TXNRD3: variants seen among roughly 807,000 people sequenced by gnomAD.
TXNRD3 encodes thioredoxin reductase 3.
A neutral mutation model predicts 78.2 loss-of-function variants in TXNRD3; 68 were observed. That is an observed-to-expected ratio of 0.87 (90% CI 0.72 to 1.06). The LOEUF (loss-of-function observed/expected upper bound fraction) is 1.06, where lower values mean the gene tolerates loss of function less well. Ranked by LOEUF, TXNRD3 falls within the 50% of genes least tolerant of loss-of-function variation. TXNRD3 has a pLI of 0.00. For missense variants in TXNRD3, 751 were observed against 809.5 expected (o/e 0.93, Z 0.88); for synonymous variants, 296 against 300.1 (o/e 0.99, Z 0.14).
chr3:126,623,383 A>T (rs1938500296), intron 10 of TXNRD3, among the ~76,000 whole-genome samples: 1 of 152,216 alleles, frequency 6.6e-6, no homozygotes, highest in African/African-American at 2.4e-5. Context: ...AAATCAGACA[A>T]GTGCATTAAA....
intron 14 of TXNRD3, among the ~76,000 whole-genome samples, chr3:126,610,414 C>G (rs1938171615): frequency 6.6e-6 from 1 of 152,174 alleles, no homozygotes; most frequent in Admixed American, 6.5e-5. Flanking sequence ...GTGCTTTAAA[C>G]TACGCTACTG....
At chr3:126,629,526 C>T (rs963977985) in intron 9 of TXNRD3, 55 bp from the exon 10 acceptor site, 1 of 1,350,380 alleles carries the variant, frequency 7.4e-7, no homozygotes, top group East Asian at 2.5e-5. Flanking sequence ...AAAAGAAATA[C>T]ACGAAAGGGT....
In TXNRD3 at chr3:126,631,842, G is replaced by A; in HGVS notation, c.893C>T (p.Ala298Val). The stretch of plus-strand genomic sequence containing the variant: ...ACCCGTTGCTATGACAAACTGTGCA[G>A]CAGTATAATAAGTCTCCTGTCCTTT... Residue 298 changes from alanine (A) to valine (V), a missense_variant, in exon 8 of 16, where the codon GCT becomes GTT. By Grantham distance (64) the Ala-to-Val change is moderately conservative. Transcript: ENST00000524230. 6.5e-7 allele frequency: 1 copy of A among 1,535,986 alleles called. No homozygotes were observed. Among genetic ancestry groups the A allele is most frequent in the South Asian group, 1.2e-5 (1 of 84,060 alleles).
rs1938480757 is a variant in TXNRD3 at position 126,622,492 on chromosome 3, C to T, written c.1339G>A (p.Glu447Lys). The change falls in exon 11 of 16, where the codon GAG (glutamate) becomes AAG (lysine). Residue 447 changes from glutamate (E) to lysine (K), a missense_variant. Glu to Lys is a moderately conservative substitution (Grantham distance 56, BLOSUM62 1). Coordinates refer to ENST00000524230, the MANE Select transcript of TXNRD3 (RefSeq NM_052883.3). ...TCATTAATTTTGACACCAATCTTCT[C>T]CAAGCCTATTTTCCTTGTACAGGAG... The T allele has an allele frequency of 6.5e-7, 1 of 1,535,582 alleles. No individual in the cohort carries two copies. Among genetic ancestry groups the T allele is most frequent in the Non-Finnish European group, 8.7e-7 (1 of 1,146,790 alleles).
At chr3:126,653,967 C>G (rs1933448408) in intron 1 of TXNRD3, among the ~76,000 whole-genome samples, 1 of 150,396 alleles carries the variant, frequency 6.6e-6, no homozygotes, top group Non-Finnish European at 1.5e-5. Context: ...TATCAAGTCC[C>G]AAAACAGGCC....
intron 12 of TXNRD3, among the ~76,000 whole-genome samples, chr3:126,621,516 G>C (rs930713301): frequency 2.6e-4 from 39 of 152,134 alleles, no homozygotes; most frequent in African/African-American, 8.7e-4. Context: ...TAAGCCCCTG[G>C]GGCTGACCAT....
chr3:126,654,484 C>A (rs1455845544), intron 1 of TXNRD3, among the ~76,000 whole-genome samples: 2 of 152,244 alleles, frequency 1.3e-5, no homozygotes, highest in Admixed American at 6.5e-5. Context: ...CCTTCCCGTA[C>A]CTTCGTTTCA....
chr3:126,631,085 T>G, intron 8 of TXNRD3, 148 bp from the exon 9 acceptor site: 1 of 817,004 alleles, frequency 1.2e-6, no homozygotes. Flanking sequence ...TAATTGAGTC[T>G]GCTGTGGAGA....
At chr3:126,608,374 G>GAAATA in intron 15 of TXNRD3, 125 bp downstream of exon 15, 1 of 1,122,610 alleles carries the variant, frequency 8.9e-7, no homozygotes, top group Non-Finnish European at 1.2e-6. Flanking sequence ...AAAATAAAAT[G>GAAATA]AAATAAAATA....
At chr3:126,640,630 T>C (rs149779849) in intron 6 of TXNRD3, among the ~76,000 whole-genome samples, 1 of 152,274 alleles carries the variant, frequency 6.6e-6, no homozygotes, top group Non-Finnish European at 1.5e-5. Flanking sequence ...ACAAGTGGTT[T>C]GTAATTTTTC....
In TXNRD3 at chr3:126,622,595, G is replaced by A. The variant is rs925566395; in HGVS notation, c.1291-55C>T. 7 of 1,298,248 alleles carry A rather than the reference G, an allele frequency of 5.4e-6. No homozygotes were observed. The East Asian group carries it at 1.5e-4, about 28-fold the overall frequency. The allele number at this position is 1,298,248 out of a possible 1,614,324, so 80.4% of individuals were successfully genotyped here. ...ATTATCCATATCGGGAATGAAAGAA[G>A]GAACATCACTATAGATCCTTCAGAC... On this transcript the variant is annotated intron_variant, in intron 10 of 15. Coordinates refer to ENST00000524230, the MANE Select transcript of TXNRD3 (RefSeq NM_052883.3).
Position 126,631,767 on chromosome 3 carries a change from G to C in TXNRD3, c.968C>G (p.Thr323Ser). ...AAAATAGTCTATTTAACCTTACCTA[G>C]TAATACAGTATTCTTTATCTCCTTG... Residue 323 changes from threonine to serine, a missense_variant, in exon 8 of 16, where the codon ACT becomes AGT. Transcript: ENST00000524230. 6.6e-7 allele frequency: 1 copy of C among 1,517,698 alleles called. No individual in the cohort carries two copies. The highest frequency in any genetic ancestry group is 2.5e-5 in the East Asian group (1 of 40,778). 94.0% of individuals were successfully genotyped at this position (1,517,698 alleles called of 1,614,324 possible).
intron 12 of TXNRD3, among the ~76,000 whole-genome samples, chr3:126,621,408 T>C (rs1437290856): frequency 1.3e-5 from 2 of 152,192 alleles, no homozygotes; most frequent in Non-Finnish European, 2.9e-5. Flanking sequence ...ATCCCTTCAG[T>C]GTCCCTAGAG....
At chr3:126,645,009 T>G (rs116213683) in intron 3 of TXNRD3, among the ~76,000 whole-genome samples, 1,614 of 152,314 alleles carry the variant, frequency 0.011, 27 homozygotes, top group African/African-American at 0.036. Flanking sequence ...GATGTGTGAT[T>G]TAGTAACAGT....
intron 6 of TXNRD3, among the ~76,000 whole-genome samples, chr3:126,639,279 A>G (rs1223360114): frequency 2.0e-5 from 3 of 152,142 alleles, no homozygotes; most frequent in Non-Finnish European, 2.9e-5. Flanking sequence ...TAAGGCCCCA[A>G]TCATGCCCTT....
chr3:126,616,297 T>C (rs1938318694), intron 12 of TXNRD3, among the ~76,000 whole-genome samples: 1 of 152,004 alleles, frequency 6.6e-6, no homozygotes, highest in South Asian at 2.1e-4. Flanking sequence ...CACAGCCCCT[T>C]CAAAAGACAC....
At chr3:126,624,249 T>G (rs1363761749) in intron 10 of TXNRD3, among the ~76,000 whole-genome samples, 1 of 152,130 alleles carries the variant, frequency 6.6e-6, no homozygotes, top group Non-Finnish European at 1.5e-5. Context: ...TAAAAAGCTG[T>G]TTTTAAAAGT....
rs1933466991 is a variant in TXNRD3, at chr3:126,654,650, G to A, written c.243+98C>T. The A allele has an allele frequency of 6.8e-6, 5 of 740,424 alleles. No individual in the cohort carries two copies. In the South Asian group the frequency reaches 3.4e-4, roughly 51 times the overall value. 45.9% of individuals were successfully genotyped at this position (740,424 alleles called of 1,614,324 possible). On this transcript the variant is annotated intron_variant, in intron 1 of 15. Transcript: ENST00000524230. Reference sequence around the variant, plus strand: ...GGCTGACCTCACCGCCGCAGCCCGGGACCCGCGGGCGCCCCGGCCCGGACC... The same window carrying A: ...GGCTGACCTCACCGCCGCAGCCCGGAACCCGCGGGCGCCCCGGCCCGGACC...
At chr3:126,632,065 G>A (rs546781684) in intron 7 of TXNRD3, among the ~76,000 whole-genome samples, 186 bp from the exon 8 acceptor site, 4 of 152,322 alleles carry the variant, frequency 2.6e-5, no homozygotes, top group Non-Finnish European at 5.9e-5. Flanking sequence ...ATTAATCAAA[G>A]CCCCATGGTG....
Sources: gnomAD v4.1 joint callset for allele counts (sites outside exome capture counted in the v4.1 genomes callset) on GRCh38, gnomAD v4.1.1 for gene constraint, MANE v1.5 for transcripts, NCBI Gene and HGNC (gene_info 2026-07-23, HGNC 2026-07-21) for gene names.